Variants in TUSC3 observed in about 807,000 individuals in gnomAD.
TUSC3 encodes the protein dolichyl-diphosphooligosaccharide--protein glycosyltransferase subunit TUSC3.
TUSC3 carries 45 observed loss-of-function variants against 44.8 expected under a neutral mutation model. That is an observed-to-expected ratio of 1.00 (90% confidence interval 0.79 to 1.29). TUSC3 has a LOEUF of 1.29. Ranked by LOEUF, TUSC3 falls within the 50% of genes most tolerant of loss-of-function variation. The pLI, the probability that TUSC3 is intolerant of heterozygous loss-of-function variation, is 0.00. For missense variants in TUSC3, 519 were observed against 437.9 expected (o/e 1.19, Z -1.65); for synonymous variants, 212 against 152.9 (o/e 1.39, Z -2.85).
intron 1 of TUSC3, among the ~76,000 whole-genome samples, chr8:15,590,851 T>C (rs1359157198): frequency 6.6e-6 from 1 of 151,576 alleles, no homozygotes; most frequent in Non-Finnish European, 1.5e-5. Context: ...TTTTTGTATT[T>C]TTTGAGGAGA....
the TUSC3 span, among the ~76,000 whole-genome samples, chr8:15,811,090 G>A: frequency 1.9e-4 from 29 of 152,174 alleles, no homozygotes; most frequent in Non-Finnish European, 3.2e-4. Flanking sequence ...AATCATTTAG[G>A]AGACAAGGAG....
At chr8:15,771,218 T>G (rs1812434593), downstream of TUSC3, among the ~76,000 whole-genome samples, 1 of 152,188 alleles carries the variant, frequency 6.6e-6, no homozygotes, top group Non-Finnish European at 1.5e-5. Flanking sequence ...TACATAGACC[T>G]ATACCATAAA....
Position 15,743,715 on chromosome 8 carries a change from G to A in TUSC3, c.937+103G>A, listed in dbSNP as rs1158693644. 26 of 1,249,724 alleles carry A rather than the reference G, an allele frequency of 2.1e-5. No individual in the cohort carries two copies. The East Asian group carries it at 5.8e-4, about 28-fold the overall frequency. The allele number at this position is 1,249,724 out of a possible 1,614,324, so 77.4% of individuals were successfully genotyped here. A position where few individuals can be genotyped will look rare whatever the true frequency, so the allele number is the denominator to read the frequency against. On this transcript the variant is annotated intron_variant, in intron 8 of 10. Coordinates refer to ENST00000503731, the MANE Select transcript of TUSC3 (RefSeq NM_006765.4). ...AGCCCTTTGTAAACAAACTTCTAAA[G>A]AAATGTTCTGGTTTGAAGAAGATTT...
At chr8:15,849,009 C>G in the TUSC3 span, among the ~76,000 whole-genome samples, 1 of 152,160 alleles carries the variant, frequency 6.6e-6, no homozygotes, top group East Asian at 1.9e-4. Context: ...ATATCCCTCA[C>G]ATGCCCAGAA....
intron 6 of TUSC3, among the ~76,000 whole-genome samples, chr8:15,706,162 T>A (rs1403097164): frequency 3.3e-5 from 5 of 152,038 alleles, no homozygotes; most frequent in Non-Finnish European, 7.4e-5. Context: ...GCATACTGTT[T>A]CCCTAAATTT....
the TUSC3 span, among the ~76,000 whole-genome samples, chr8:15,849,549 A>T: frequency 6.6e-6 from 1 of 152,210 alleles, no homozygotes; most frequent in South Asian, 2.1e-4. Context: ...CAACTTAAAG[A>T]AAGCCACCAG....
At chr8:15,556,139 A>G (rs1428700283) in intron 1 of TUSC3, among the ~76,000 whole-genome samples, 3 of 145,004 alleles carry the variant, frequency 2.1e-5, no homozygotes, top group Admixed American at 6.9e-5. Context: ...TAAATCTCCC[A>G]GTGCTATCCC....
At chr8:15,563,564 T>C (rs1380992623) in intron 1 of TUSC3, among the ~76,000 whole-genome samples, 1 of 151,364 alleles carries the variant, frequency 6.6e-6, no homozygotes, top group African/African-American at 2.4e-5. Context: ...CGCATGCCTG[T>C]AATACCAGCT....
At chr8:15,745,511 TG>T (rs1459965533) in intron 8 of TUSC3, among the ~76,000 whole-genome samples, 7 of 152,130 alleles carry the variant, frequency 4.6e-5, no homozygotes, top group African/African-American at 1.7e-4. Context: ...TGGAGTGAGA[TG>T]GTATCTCATT....
chr8:15,515,433 A>G (rs1397966535), intron 2 of TUSC3, among the ~76,000 whole-genome samples: 1 of 152,006 alleles, frequency 6.6e-6, no homozygotes, highest in African/African-American at 2.4e-5. Flanking sequence ...TTTTACTCAC[A>G]TTTTTCTCCT....
intron 9 of TUSC3, among the ~76,000 whole-genome samples, chr8:15,752,577 T>C (rs576424488): frequency 1.3e-5 from 2 of 152,246 alleles, no homozygotes; most frequent in African/African-American, 4.8e-5. Context: ...ATTTTAGTAC[T>C]GCAAAGGATC....
chr8:15,505,987 C>T (rs2129127626), intron 2 of TUSC3, among the ~76,000 whole-genome samples: 2 of 152,288 alleles, frequency 1.3e-5, no homozygotes, highest in African/African-American at 4.8e-5. Context: ...ATTTTACTGA[C>T]TCTTGATCCC....
rs533661592 is a variant in TUSC3 at position 15,437,586 on chromosome 8, A to G, written n.91+20281A>G. The stretch of plus-strand genomic sequence containing the variant: ...TAAGAAACTGTAGTGCAGATGAGAT[A>G]CATTAAGACAATCATCTCCTATTAA... On this transcript the variant is annotated intron_variant and non_coding_transcript_variant, in intron 1 of 5. Coordinates refer to the TUSC3 transcript ENST00000503191. Among the ~76,000 whole-genome samples, 3 of 152,352 alleles carry G rather than the reference A, an allele frequency of 2.0e-5. No homozygotes were observed. In the South Asian group the frequency reaches 6.2e-4, roughly 32 times the overall value.
chr8:15,670,613 T>C (rs1215794396), intron 5 of TUSC3, among the ~76,000 whole-genome samples: 1 of 151,852 alleles, frequency 6.6e-6, no homozygotes, highest in Admixed American at 6.6e-5. Context: ...ATCTCCATAA[T>C]TGGTGGGTGG....
At chr8:15,605,949 C>G (rs1347083518) in intron 1 of TUSC3, among the ~76,000 whole-genome samples, 2 of 152,014 alleles carry the variant, frequency 1.3e-5, no homozygotes, top group Non-Finnish European at 2.9e-5. Flanking sequence ...CTGATCATCT[C>G]CATGTGAGCC....
chr8:15,793,218 C>T, the TUSC3 span, among the ~76,000 whole-genome samples: 3 of 152,120 alleles, frequency 2.0e-5, no homozygotes, highest in South Asian at 4.2e-4. Context: ...TCAATCCAAT[C>T]ATCCATCATT....
At chr8:15,542,765 A>C (rs1247970730) in intron 1 of TUSC3, among the ~76,000 whole-genome samples, 6 of 152,232 alleles carry the variant, frequency 3.9e-5, no homozygotes, top group African/African-American at 1.4e-4. Context: ...GAGGATTAAA[A>C]AAGTTTTTCT....
At chr8:15,452,502 A>T (rs145974352) in intron 1 of TUSC3, among the ~76,000 whole-genome samples, 8 of 152,192 alleles carry the variant, frequency 5.3e-5, no homozygotes, top group African/African-American at 9.7e-5. Flanking sequence ...AACTTTCTCA[A>T]ACTTTAAAAG....
the TUSC3 span, among the ~76,000 whole-genome samples, chr8:15,814,594 T>G: frequency 6.6e-6 from 1 of 152,206 alleles, no homozygotes; most frequent in African/African-American, 2.4e-5. Flanking sequence ...GCTCAGGAGT[T>G]GAATGAAAAA....
Sources: allele counts gnomAD v4.1 joint callset (sites outside exome capture counted in the v4.1 genomes callset), GRCh38; gene constraint gnomAD v4.1.1; transcripts MANE v1.5; gene names NCBI Gene and HGNC (gene_info 2026-07-23, HGNC 2026-07-21).